Variants in MIPEP observed in about 807,000 individuals in gnomAD.
MIPEP encodes the protein mitochondrial intermediate peptidase.
MIPEP carries 79 observed loss-of-function variants against 90.3 expected under a neutral mutation model. The ratio of observed to expected loss-of-function variants is 0.87; its 90% CI spans 0.73 to 1.05. MIPEP has a LOEUF of 1.05. Ranked by LOEUF, MIPEP falls within the 50% of genes least tolerant of loss-of-function variation. The probability of loss-of-function intolerance (pLI) is 0.00; values close to 1 mark genes in which losing one functional copy is unlikely to be tolerated. For synonymous variants in MIPEP, 334 were observed against 315.8 expected (o/e 1.06, Z -0.61); for missense variants, 940 against 905.6 (o/e 1.04, Z -0.49).
intron 18 of MIPEP, among the ~76,000 whole-genome samples, chr13:23,737,392 A>G (rs1014251807): frequency 1.3e-5 from 2 of 152,040 alleles, no homozygotes; most frequent in African/African-American, 4.8e-5. Flanking sequence ...CTGGGAGGAA[A>G]AAGTGCCCAA....
At chr13:23,830,046 T>C (rs1456014189) in intron 14 of MIPEP, among the ~76,000 whole-genome samples, 1 of 152,172 alleles carries the variant, frequency 6.6e-6, no homozygotes, top group African/African-American at 2.4e-5. Context: ...TGGCATTATC[T>C]CATAAACTTA....
chr13:23,874,483 TAC>T (rs2137525620), intron 5 of MIPEP, among the ~76,000 whole-genome samples: 1 of 152,330 alleles, frequency 6.6e-6, no homozygotes, highest in African/African-American at 2.4e-5. Flanking sequence ...TATAAATAAA[TAC>T]ACTTATGTAA....
chr13:23,802,078 A>G (rs1427115245), intron 16 of MIPEP, among the ~76,000 whole-genome samples: 3 of 152,170 alleles, frequency 2.0e-5, no homozygotes, highest in African/African-American at 4.8e-5. Flanking sequence ...CCTGCAGTGT[A>G]TAAGAGTTCC....
At chr13:23,871,858 G>A (rs1870822295) in intron 5 of MIPEP, among the ~76,000 whole-genome samples, 1 of 151,800 alleles carries the variant, frequency 6.6e-6, no homozygotes, top group South Asian at 2.1e-4. Flanking sequence ...CAAAAAAGAT[G>A]AACAAGATTT....
At chr13:23,786,375 G>A (rs1369941253) in intron 16 of MIPEP, among the ~76,000 whole-genome samples, 8 of 152,090 alleles carry the variant, frequency 5.3e-5, no homozygotes, top group African/African-American at 1.9e-4. Flanking sequence ...TAGATAAGAA[G>A]TTCTCTTTAA....
chr13:23,766,959 T>C (rs1952596482), intron 16 of MIPEP, among the ~76,000 whole-genome samples: 1 of 152,154 alleles, frequency 6.6e-6, no homozygotes, highest in Non-Finnish European at 1.5e-5. Flanking sequence ...TCTAGAACAC[T>C]CCTTGTTAGC....
intron 14 of MIPEP, among the ~76,000 whole-genome samples, chr13:23,820,011 A>AT (rs1365774437): frequency 2.0e-5 from 3 of 149,586 alleles, no homozygotes; most frequent in Admixed American, 6.6e-5. Context: ...CTCCATCTCA[A>AT]TAAAAAAAAA....
At chr13:23,876,095 G>T (rs944098462) in intron 4 of MIPEP, among the ~76,000 whole-genome samples, 34 of 152,098 alleles carry the variant, frequency 2.2e-4, no homozygotes, top group African/African-American at 8.2e-4. Flanking sequence ...TAAATTCCAA[G>T]AAATTAATCA....
At chr13:23,745,040 A>G (rs1805706660) in intron 18 of MIPEP, among the ~76,000 whole-genome samples, 1 of 152,244 alleles carries the variant, frequency 6.6e-6, no homozygotes, top group African/African-American at 2.4e-5. Context: ...CCTAAAGCTT[A>G]AACAAAACAT....
At chr13:23,831,620 A>C (rs1359862394) in intron 14 of MIPEP, among the ~76,000 whole-genome samples, 2 of 152,118 alleles carry the variant, frequency 1.3e-5, no homozygotes, top group Admixed American at 6.5e-5. Context: ...AAAATACAAG[A>C]GGCAACCTCG....
At chr13:23,758,118 GT>G (rs1342562765) in intron 17 of MIPEP, among the ~76,000 whole-genome samples, 1 of 152,174 alleles carries the variant, frequency 6.6e-6, no homozygotes, top group Non-Finnish European at 1.5e-5. Flanking sequence ...CTGGACTGAG[GT>G]GGCGCCTCCC....
intron 18 of MIPEP, among the ~76,000 whole-genome samples, chr13:23,736,614 C>T (rs952697216): frequency 4.6e-5 from 7 of 152,170 alleles, no homozygotes; most frequent in Non-Finnish European, 5.9e-5. Flanking sequence ...TTCCAAACTG[C>T]GGCTTTCCAG....
chr13:23,798,479 A>C (rs1247689937), intron 16 of MIPEP, among the ~76,000 whole-genome samples: 1 of 152,188 alleles, frequency 6.6e-6, no homozygotes, highest in Non-Finnish European at 1.5e-5. Flanking sequence ...GCACACACCT[A>C]CTCAAAAAGA....
chr13:23,748,406 T>C (rs958692175), intron 18 of MIPEP, among the ~76,000 whole-genome samples: 3 of 152,128 alleles, frequency 2.0e-5, no homozygotes, highest in Non-Finnish European at 4.4e-5. Context: ...GCAGAGACCA[T>C]AAACCAATAA....
chr13:23,751,348 G>A (rs1258415281), intron 18 of MIPEP, among the ~76,000 whole-genome samples: 1 of 152,328 alleles, frequency 6.6e-6, no homozygotes, highest in Admixed American at 6.5e-5. Flanking sequence ...CTTAAGGTAA[G>A]GCCCTGCGGG....
chr13:23,743,869 T>C (rs1440715679), intron 18 of MIPEP, among the ~76,000 whole-genome samples: 1 of 152,218 alleles, frequency 6.6e-6, no homozygotes, highest in Non-Finnish European at 1.5e-5. Context: ...GGTGCTCCTT[T>C]CCATTTCTTT....
At chr13:23,790,391 G>T (rs1952886509) in intron 16 of MIPEP, among the ~76,000 whole-genome samples, 1 of 152,188 alleles carries the variant, frequency 6.6e-6, no homozygotes, top group South Asian at 2.1e-4. Context: ...GTGGCAGAAA[G>T]AATAATGCCC....
intron 10 of MIPEP, among the ~76,000 whole-genome samples, chr13:23,854,735 T>C (rs1869973765): frequency 6.6e-6 from 1 of 151,180 alleles, no homozygotes; most frequent in Admixed American, 6.6e-5. Context: ...CTACTAAAAA[T>C]ACAAAAATTA....
At position 23,839,150 on chromosome 13, in the gene MIPEP, GT is replaced by G. The variant is rs1215240225; in HGVS notation, c.1338+498del. On this transcript the variant is annotated intron_variant, in intron 12 of 18. Coordinates refer to ENST00000382172, the MANE Select transcript of MIPEP (RefSeq NM_005932.4). Reference sequence around the variant, plus strand: ...AAGGAGCTACTTGGTGGTTGGTAAGGTTTCCACATGGAGTATCTTCCGCAGT... The same window carrying G: ...AAGGAGCTACTTGGTGGTTGGTAAGGTTCCACATGGAGTATCTTCCGCAGT... 2.0e-5 allele frequency among the ~76,000 whole-genome samples: 3 copies of G among 152,340 alleles called. No homozygotes were observed. In the East Asian group the frequency reaches 5.8e-4, roughly 29 times the overall value.
Sources: gnomAD v4.1 joint callset for allele counts (sites outside exome capture counted in the v4.1 genomes callset) on GRCh38, gnomAD v4.1.1 for gene constraint, MANE v1.5 for transcripts, NCBI Gene and HGNC (gene_info 2026-07-23, HGNC 2026-07-21) for gene names.